L3MBTL3: variants seen among roughly 807,000 people sequenced by gnomAD.
The protein encoded by L3MBTL3 is L3MBTL histone methyl-lysine binding protein 3.
A neutral mutation model predicts 102.3 loss-of-function variants in L3MBTL3; 27 were observed. The ratio of observed to expected loss-of-function variants is 0.26; its 90% CI spans 0.19 to 0.36. The LOEUF is 0.36. L3MBTL3 is among the 10% of genes least tolerant of loss of function. The pLI, the probability that L3MBTL3 is intolerant of heterozygous loss-of-function variation, is 1.00. For synonymous variants in L3MBTL3, 340 were observed against 320.9 expected (o/e 1.06, Z -0.64); for missense variants, 798 against 955.3 (o/e 0.84, Z 2.17).
At chr6:130,038,348 G>C (rs898826698) in intron 2 of L3MBTL3, among the ~76,000 whole-genome samples, 68 of 151,864 alleles carry the variant, frequency 4.5e-4, no homozygotes, top group African/African-American at 1.6e-3. Context: ...CCTCCATACT[G>C]TTTTCTATAA....
chr6:130,065,459 C>T (rs544031564), intron 10 of L3MBTL3, among the ~76,000 whole-genome samples: 140 of 152,268 alleles, frequency 9.2e-4, no homozygotes, highest in African/African-American at 2.6e-3. Flanking sequence ...TGTTCTACCA[C>T]TTGAATTTTA....
intron 7 of L3MBTL3, among the ~76,000 whole-genome samples, 175 bp downstream of exon 7, chr6:130,053,166 G>A (rs142566967): frequency 6.9e-6 from 1 of 145,212 alleles, no homozygotes; most frequent in African/African-American, 2.4e-5. Flanking sequence ...ATCTCAAAAT[G>A]GGAATCATAA....
intron 3 of L3MBTL3, among the ~76,000 whole-genome samples, chr6:130,044,935 A>G (rs117176078): frequency 0.017 from 2,621 of 152,264 alleles, 36 homozygotes; most frequent in Middle Eastern, 0.065. Flanking sequence ...CTAGGCTTCT[A>G]TGTTTCAGTG....
chr6:130,019,631 G>A (rs924213347), intron 1 of L3MBTL3, among the ~76,000 whole-genome samples: 4 of 150,922 alleles, frequency 2.7e-5, no homozygotes, highest in African/African-American at 4.8e-5. Context: ...ACACTCACAC[G>A]CACGCACACA....
chr6:130,094,626 A>G (rs1204173768), intron 18 of L3MBTL3, among the ~76,000 whole-genome samples: 1 of 152,064 alleles, frequency 6.6e-6, no homozygotes, highest in Non-Finnish European at 1.5e-5. Context: ...ATTTACAAAT[A>G]GTTAGTTTCT....
chr6:130,109,443 T>C (rs1463019692), intron 19 of L3MBTL3, among the ~76,000 whole-genome samples: 1 of 152,250 alleles, frequency 6.6e-6, no homozygotes, highest in Non-Finnish European at 1.5e-5. Context: ...TGATTTGCAT[T>C]TATCTAATGA....
chr6:130,119,930 G>A (rs547612219), intron 19 of L3MBTL3, among the ~76,000 whole-genome samples: 3 of 152,196 alleles, frequency 2.0e-5, no homozygotes, highest in Admixed American at 6.5e-5. Flanking sequence ...TAAAACTATA[G>A]AACTCCTTTT....
intron 2 of L3MBTL3, among the ~76,000 whole-genome samples, chr6:130,042,120 C>CA (rs1169946673): frequency 6.6e-6 from 1 of 151,964 alleles, no homozygotes; most frequent in African/African-American, 2.4e-5. Flanking sequence ...ATACCACAAC[C>CA]AATGATGTGA....
intron 19 of L3MBTL3, among the ~76,000 whole-genome samples, chr6:130,111,682 A>G (rs997019988): frequency 1.3e-5 from 2 of 152,234 alleles, no homozygotes; most frequent in Non-Finnish European, 2.9e-5. Flanking sequence ...GAATAGAGCC[A>G]TGGGCAGCTA....
chr6:130,096,676 G>A (rs1206200618), intron 18 of L3MBTL3, among the ~76,000 whole-genome samples: 3 of 152,126 alleles, frequency 2.0e-5, no homozygotes, highest in African/African-American at 7.2e-5. Flanking sequence ...GTGTGCAGGT[G>A]GACCTCCGAG....
chr6:130,063,301 G>A (rs1782031982), intron 10 of L3MBTL3, among the ~76,000 whole-genome samples: 1 of 152,142 alleles, frequency 6.6e-6, no homozygotes, highest in African/African-American at 2.4e-5. Context: ...CTGAGAGTGA[G>A]GATGGAGAAA....
At chr6:130,082,360 A>G (rs1783420072) in intron 14 of L3MBTL3, among the ~76,000 whole-genome samples, 1 of 152,204 alleles carries the variant, frequency 6.6e-6, no homozygotes, top group South Asian at 2.1e-4. Flanking sequence ...TTCCTTATAC[A>G]AAATTAGTTG....
At chr6:130,033,408 G>A (rs1034579653) in intron 2 of L3MBTL3, among the ~76,000 whole-genome samples, 1 of 152,188 alleles carries the variant, frequency 6.6e-6, no homozygotes, top group Admixed American at 6.5e-5. Context: ...TGAGTTGATG[G>A]TGTCATATAG....
chr6:130,099,432 A>G (rs1784556107), intron 18 of L3MBTL3, among the ~76,000 whole-genome samples: 2 of 152,186 alleles, frequency 1.3e-5, no homozygotes, highest in East Asian at 1.9e-4. Context: ...AACTTTTTCC[A>G]TAGATGTTTA....
chr6:130,063,890 AG>A (rs1782073247), intron 10 of L3MBTL3, among the ~76,000 whole-genome samples: 1 of 152,220 alleles, frequency 6.6e-6, no homozygotes. Context: ...GAACTGAAAC[AG>A]GAAGGTAAAG....
At chr6:130,027,321 A>G (rs994693948) in intron 2 of L3MBTL3, among the ~76,000 whole-genome samples, 2 of 152,196 alleles carry the variant, frequency 1.3e-5, no homozygotes, top group African/African-American at 2.4e-5. Context: ...CCATAGCTTT[A>G]TATTACATAA....
At chr6:130,082,434 A>C (rs1783424327) in intron 14 of L3MBTL3, among the ~76,000 whole-genome samples, 1 of 152,198 alleles carries the variant, frequency 6.6e-6, no homozygotes, top group South Asian at 2.1e-4. Flanking sequence ...TATCTGTATC[A>C]GTGTAGACCC....
chr6:130,088,549 G>A (rs1257210863), intron 16 of L3MBTL3, among the ~76,000 whole-genome samples: 1 of 152,118 alleles, frequency 6.6e-6, no homozygotes, highest in Admixed American at 6.6e-5. Context: ...AGCTATTATA[G>A]TAAAACATTT....
At chr6:130,129,762 A>T (rs1190896334) in intron 20 of L3MBTL3, among the ~76,000 whole-genome samples, 1 of 152,186 alleles carries the variant, frequency 6.6e-6, no homozygotes, top group African/African-American at 2.4e-5. Flanking sequence ...TGTCTTTAGA[A>T]CACGAGGCTC....
Sources: allele counts gnomAD v4.1 joint callset (sites outside exome capture counted in the v4.1 genomes callset), GRCh38; gene constraint gnomAD v4.1.1; transcripts MANE v1.5; gene names NCBI Gene and HGNC (gene_info 2026-07-23, HGNC 2026-07-21).